EFCAB11: variants seen among roughly 807,000 people sequenced by gnomAD.
EFCAB11 encodes EF-hand calcium-binding domain-containing protein 11.
A neutral mutation model predicts 23.0 loss-of-function variants in EFCAB11; 14 were observed. The ratio of observed to expected loss-of-function variants is 0.61; its 90% CI spans 0.40 to 0.95. The LOEUF (loss-of-function observed/expected upper bound fraction) is 0.95, where lower values mean the gene tolerates loss of function less well. Ranked by LOEUF, EFCAB11 falls within the 40% of genes least tolerant of loss-of-function variation. The pLI is 0.00. For synonymous variants in EFCAB11, 65 were observed against 66.6 expected, an observed-to-expected ratio of 0.98 and a Z score of 0.11; for missense variants, 198 against 195.8, an observed-to-expected ratio of 1.01 and a Z score of -0.07.
intron 5 of EFCAB11, among the ~76,000 whole-genome samples, chr14:89,843,954 G>A (rs1887350134): frequency 2.0e-5 from 3 of 152,118 alleles, no homozygotes; most frequent in Non-Finnish European, 4.4e-5. Flanking sequence ...TTTATCATTG[G>A]CAACAAATAC....
intron 5 of EFCAB11, chr14:89,836,701 T>C (rs1300443809): frequency 2.2e-6 from 1 of 456,266 alleles, no homozygotes; most frequent in Admixed American, 2.4e-5. Context: ...TATTTAATAG[T>C]TTACCTTGAT....
chr14:89,805,110 A>G (rs1346855295), intron 5 of EFCAB11, among the ~76,000 whole-genome samples: 1 of 152,256 alleles, frequency 6.6e-6, no homozygotes, highest in Admixed American at 6.5e-5. Context: ...AAAGAACGAC[A>G]TAAGCCAGGC....
chr14:89,954,756 A>G (rs1891400165), upstream of EFCAB11: 3 of 1,519,056 alleles, frequency 2.0e-6, no homozygotes, highest in South Asian at 1.2e-5. Flanking sequence ...ACCGCGGCTC[A>G]GGAAGCCGAA....
intron 5 of EFCAB11, among the ~76,000 whole-genome samples, chr14:89,917,536 A>C (rs908929141): frequency 1.3e-5 from 2 of 152,186 alleles, no homozygotes; most frequent in East Asian, 1.9e-4. Context: ...GCTATTGTGA[A>C]TAATGCTGCA....
At chr14:89,801,993 C>CAA (rs879381350) in intron 5 of EFCAB11, among the ~76,000 whole-genome samples, 20 of 124,058 alleles carry the variant, frequency 1.6e-4, no homozygotes, top group African/African-American at 3.3e-4. Flanking sequence ...GACTCTGTCT[C>CAA]AAAAAAAAAA....
chr14:89,881,276 A>G (rs1380901934), intron 5 of EFCAB11, among the ~76,000 whole-genome samples: 1 of 151,184 alleles, frequency 6.6e-6, no homozygotes, highest in Non-Finnish European at 1.5e-5. Flanking sequence ...AGTTGCCTCA[A>G]TAAGTCCTTG....
intron 5 of EFCAB11, among the ~76,000 whole-genome samples, chr14:89,888,116 C>T (rs1888849822): frequency 6.6e-6 from 1 of 152,162 alleles, no homozygotes; most frequent in South Asian, 2.1e-4. Context: ...AATGCTGTTG[C>T]TATGGTCTGA....
intron 5 of EFCAB11, among the ~76,000 whole-genome samples, chr14:89,929,462 C>A (rs1480059600): frequency 6.6e-6 from 1 of 152,198 alleles, no homozygotes; most frequent in African/African-American, 2.4e-5. Context: ...TCTCAGCTCA[C>A]AGCAACCTCC....
intron 5 of EFCAB11, among the ~76,000 whole-genome samples, chr14:89,800,684 T>C (rs1367708413): frequency 6.6e-6 from 1 of 152,196 alleles, no homozygotes; most frequent in Non-Finnish European, 1.5e-5. Flanking sequence ...AAGGCTTTTT[T>C]GGTGTGTTTG....
rs552951600 is a variant in EFCAB11 at position 89,924,500 on chromosome 14, T to C, written c.410+7041A>G. On this transcript the variant is annotated intron_variant, in intron 5 of 5. Coordinates refer to ENST00000316738, the MANE Select transcript of EFCAB11 (RefSeq NM_145231.4). ...CTGACAGGTGGTGGGAATGTACAAA[T>C]AGCAGTGCTTACAATGAGATGGAGA... 169 of 1,422,378 alleles carry C rather than the reference T, an allele frequency of 1.2e-4. 1 individual carries two copies. The African/African-American group carries it at 2.0e-3, about 17-fold the overall frequency. 88.1% of individuals were successfully genotyped at this position (1,422,378 alleles called of 1,614,324 possible).
intron 5 of EFCAB11, among the ~76,000 whole-genome samples, chr14:89,902,689 TAG>T (rs780336810): frequency 1.6e-4 from 25 of 152,200 alleles, no homozygotes; most frequent in Non-Finnish European, 2.9e-4. Context: ...GATTAGATAT[TAG>T]AGAGAGTTGA....
At chr14:89,847,405 T>C (rs1322547785) in intron 5 of EFCAB11, among the ~76,000 whole-genome samples, 1 of 152,166 alleles carries the variant, frequency 6.6e-6, no homozygotes, top group Admixed American at 6.5e-5. Context: ...GTAGCTCAGA[T>C]GTCTCTGCTG....
Position 89,951,791 on chromosome 14 carries a change from C to T in EFCAB11, c.172-1649G>A, listed in dbSNP as rs543790470. Among the ~76,000 whole-genome samples the T allele has an allele frequency of 1.6e-4, 25 of 151,564 alleles. No homozygotes were observed. The South Asian group carries it at 5.0e-3, about 30-fold the overall frequency. On this transcript the variant is annotated intron_variant, in intron 2 of 5. Transcript: ENST00000316738. ...AAGAAAAAAAAGAACCGGGTATGGT[C>T]GTGTGCACCTGTAGTCCCAGCTACT...
At chr14:89,847,826 G>A (rs1047698207) in intron 5 of EFCAB11, among the ~76,000 whole-genome samples, 5 of 150,962 alleles carry the variant, frequency 3.3e-5, no homozygotes, top group African/African-American at 1.2e-4. Context: ...CTTCCAAATT[G>A]TCTCTGCATT....
chr14:89,913,273 G>T (rs999378617), intron 5 of EFCAB11, among the ~76,000 whole-genome samples: 1 of 152,180 alleles, frequency 6.6e-6, no homozygotes, highest in African/African-American at 2.4e-5. Context: ...TAACAGGGCG[G>T]ACATGATACT....
intron 5 of EFCAB11, among the ~76,000 whole-genome samples, chr14:89,834,612 C>A (rs546534251): frequency 5.9e-5 from 9 of 152,228 alleles, no homozygotes; most frequent in South Asian, 4.1e-4. Context: ...TAGGAAGGTG[C>A]ATGGATCTCA....
intron 5 of EFCAB11, among the ~76,000 whole-genome samples, chr14:89,828,137 T>C (rs1368004918): frequency 6.6e-6 from 1 of 152,208 alleles, no homozygotes; most frequent in Non-Finnish European, 1.5e-5. Context: ...AGGTGTGTTT[T>C]TTCATTCAAC....
intron 5 of EFCAB11, among the ~76,000 whole-genome samples, chr14:89,897,118 A>G (rs1889193166): frequency 6.6e-6 from 1 of 152,204 alleles, no homozygotes; most frequent in South Asian, 2.1e-4. Context: ...CACAAAGACT[A>G]CATACATTTG....
intron 5 of EFCAB11, among the ~76,000 whole-genome samples, chr14:89,869,888 G>A (rs1333356913): frequency 2.6e-5 from 4 of 152,224 alleles, no homozygotes; most frequent in African/African-American, 9.6e-5. Context: ...TGAGTCCCCA[G>A]AGGCCTTGTT....
Sources: gnomAD v4.1 joint callset for allele counts (sites outside exome capture counted in the v4.1 genomes callset) on GRCh38, gnomAD v4.1.1 for gene constraint, MANE v1.5 for transcripts, NCBI Gene and HGNC (gene_info 2026-07-23, HGNC 2026-07-21) for gene names.